The following IL1R2 variants were observed in gnomAD, a reference collection of about 807,000 sequenced individuals.
The protein encoded by IL1R2 is interleukin-1 receptor type 2.
Under a neutral mutation model 39.5 loss-of-function variants are expected in IL1R2, and 46 were observed. That is an observed-to-expected ratio of 1.16 (90% CI 0.92 to 1.49). The LOEUF (loss-of-function observed/expected upper bound fraction) is 1.49. Ranked by LOEUF, IL1R2 falls within the 40% of genes most tolerant of loss-of-function variation. The pLI is 0.00. For synonymous variants in IL1R2, 207 were observed against 189.6 expected (o/e 1.09, Z -0.75); for missense variants, 537 against 502.0 (o/e 1.07, Z -0.67).
intron 5 of IL1R2, among the ~76,000 whole-genome samples, chr2:102,021,450 G>A (rs903596434): frequency 4.6e-5 from 7 of 151,928 alleles, no homozygotes; most frequent in Non-Finnish European, 1.0e-4. Flanking sequence ...TGAGTAGCTG[G>A]GATTACAGGC....
At chr2:102,018,242 G>T (rs1357032046) in intron 4 of IL1R2, among the ~76,000 whole-genome samples, 2 of 152,180 alleles carry the variant, frequency 1.3e-5, no homozygotes, top group African/African-American at 4.8e-5. Context: ...AGCCTAGAAT[G>T]CATTCTCTTT....
At chr2:101,995,275 G>C (rs1401982538) in intron 1 of IL1R2, among the ~76,000 whole-genome samples, 1 of 152,160 alleles carries the variant, frequency 6.6e-6, no homozygotes, top group African/African-American at 2.4e-5. Flanking sequence ...AGTGGTCAGA[G>C]ACTTAAAGCA....
At chr2:102,020,290 T>G (rs951970062) in intron 5 of IL1R2, among the ~76,000 whole-genome samples, 1 of 152,222 alleles carries the variant, frequency 6.6e-6, no homozygotes, top group African/African-American at 2.4e-5. Flanking sequence ...TAGCTGCCCT[T>G]AATAGCAATA....
chr2:102,021,200 A>T (rs1677365941), intron 5 of IL1R2, among the ~76,000 whole-genome samples: 1 of 151,880 alleles, frequency 6.6e-6, no homozygotes, highest in African/African-American at 2.4e-5. Flanking sequence ...TGTTTCGTGG[A>T]AGTGAGGATG....
At chr2:101,997,157 G>A (rs1403629447) in intron 1 of IL1R2, among the ~76,000 whole-genome samples, 2 of 152,164 alleles carry the variant, frequency 1.3e-5, no homozygotes, top group African/African-American at 4.8e-5. Flanking sequence ...GGACCTTCCT[G>A]GTCATGAGGT....
intron 1 of IL1R2, among the ~76,000 whole-genome samples, chr2:102,006,905 A>G (rs1676301934): frequency 1.3e-5 from 2 of 152,190 alleles, no homozygotes; most frequent in South Asian, 2.1e-4. Flanking sequence ...TTTTGGCCGC[A>G]TCGTTTCCAG....
chr2:102,022,326 T>G (rs1037561257), intron 6 of IL1R2, 77 bp downstream of exon 6: 60 of 1,211,444 alleles, frequency 5.0e-5, no homozygotes, highest in Non-Finnish European at 6.4e-5. Context: ...CTTGGGACCC[T>G]TGCGTCTGCT....
intron 8 of IL1R2, among the ~76,000 whole-genome samples, chr2:102,026,905 A>G (rs767536033): frequency 9.2e-5 from 14 of 152,370 alleles, no homozygotes; most frequent in Middle Eastern, 3.4e-3. Context: ...GATTCCCAGC[A>G]TCTCAGTGAT....
chr2:102,021,283 G>A (rs984841070), intron 5 of IL1R2, among the ~76,000 whole-genome samples: 1 of 144,252 alleles, frequency 6.9e-6, no homozygotes, highest in South Asian at 2.3e-4. Context: ...CAGGGGCCTC[G>A]TTTCTTTCTT....
chr2:101,998,424 T>A (rs1201636618), intron 1 of IL1R2, among the ~76,000 whole-genome samples: 4 of 152,228 alleles, frequency 2.6e-5, no homozygotes, highest in Non-Finnish European at 4.4e-5. Context: ...ATTTGCCATC[T>A]GGAATCTGCT....
chr2:102,017,841 T>C (rs951474221), intron 4 of IL1R2, among the ~76,000 whole-genome samples: 1 of 152,200 alleles, frequency 6.6e-6, no homozygotes, highest in African/African-American at 2.4e-5. Context: ...TACTTCCTAT[T>C]TGGCCCTTTC....
chr2:102,015,738 C>G, intron 3 of IL1R2, 133 bp from the exon 4 acceptor site: 1 of 701,890 alleles, frequency 1.4e-6, no homozygotes. Context: ...CATCTTATGT[C>G]GGGAAACCAT....
rs1676501445 is a variant in IL1R2, at chr2:102,009,752, G to A, written c.258G>A (p.Met86Ile). The stretch of plus-strand genomic sequence containing the variant: ...TCCCAGGAGAAGAAGAGACACGGAT[G>A]TGGGCCCAGGACGGTGCTCTGTGGC... Reference protein sequence around the residue: ...RTVPGEEETRMWAQDGALWLL... With the variant: ...RTVPGEEETRIWAQDGALWLL... Residue 86 changes from methionine to isoleucine, a missense_variant, in exon 3 of 9, where the codon ATG (methionine) becomes ATA (isoleucine). Met to Ile is a conservative substitution (Grantham distance 10). Coordinates refer to ENST00000332549, the MANE Select transcript of IL1R2 (RefSeq NM_004633.4). 1.9e-6 allele frequency: 3 copies of A among 1,614,114 alleles called. No individual in the cohort carries two copies. The highest frequency in any genetic ancestry group is 2.7e-5 in the African/African-American group (2 of 74,950).
chr2:102,019,614 C>T (rs761783431), intron 4 of IL1R2, 24 bp from the exon 5 acceptor site: 64 of 1,563,546 alleles, frequency 4.1e-5, no homozygotes, highest in Non-Finnish European at 5.4e-5. Flanking sequence ...ATAATGTCAA[C>T]TTAAAAAAAC....
intron 5 of IL1R2, 64 bp downstream of exon 5, chr2:102,019,876 T>C (rs1677256026): frequency 7.2e-7 from 1 of 1,390,736 alleles, no homozygotes; most frequent in Non-Finnish European, 1.0e-6. Context: ...AGAGAACAAA[T>C]GACGGTGCAC....
intron 1 of IL1R2, among the ~76,000 whole-genome samples, chr2:101,993,672 C>G (rs1488564926): frequency 1.3e-5 from 2 of 152,132 alleles, no homozygotes; most frequent in Non-Finnish European, 2.9e-5. Flanking sequence ...CTCTCTGTCT[C>G]TCTTAAATCA....
At chr2:102,016,107 A>T in intron 4 of IL1R2, 56 bp downstream of exon 4, 1 of 1,394,310 alleles carries the variant, frequency 7.2e-7, no homozygotes, top group Non-Finnish European at 1.0e-6. Context: ...TTTACTAGCC[A>T]TAAAAGAAAG....
intron 6 of IL1R2, among the ~76,000 whole-genome samples, chr2:102,024,059 C>CAA (rs1559429738): frequency 7.0e-6 from 1 of 143,800 alleles, no homozygotes; most frequent in African/African-American, 2.7e-5. Flanking sequence ...AAAAACAAAA[C>CAA]AAAACAAAAC....
At chr2:101,995,319 A>T (rs980996887) in intron 1 of IL1R2, among the ~76,000 whole-genome samples, 1 of 152,112 alleles carries the variant, frequency 6.6e-6, no homozygotes, top group Non-Finnish European at 1.5e-5. Context: ...ATTGGCCTTG[A>T]AGAAACAAAC....
Sources: gnomAD v4.1 joint callset for allele counts (sites outside exome capture counted in the v4.1 genomes callset) on GRCh38, gnomAD v4.1.1 for gene constraint, MANE v1.5 for transcripts, NCBI Gene and HGNC (gene_info 2026-07-23, HGNC 2026-07-21) for gene names.